Variants in HEATR5B observed in about 807,000 individuals in gnomAD.
HEATR5B encodes HEAT repeat containing 5B.
Under a neutral mutation model 224.1 loss-of-function variants are expected in HEATR5B, and 156 were observed. That is an observed-to-expected ratio of 0.70 (90% CI 0.61 to 0.80). The LOEUF is 0.80. Among genes scored for constraint, HEATR5B ranks in the 30% least tolerant of loss-of-function variants. The probability of loss-of-function intolerance (pLI) is 0.00; values close to 1 mark genes in which losing one functional copy is unlikely to be tolerated. For missense variants in HEATR5B, 2,323 were observed against 2,535.5 expected (o/e 0.92, Z 1.80); for synonymous variants, 1,027 against 893.0 (o/e 1.15, Z -2.68).
chr2:37,071,109 T>C (rs79331962), intron 6 of HEATR5B, among the ~76,000 whole-genome samples: 5,235 of 151,804 alleles, frequency 0.034, 124 homozygotes, highest in Non-Finnish European at 0.052. Flanking sequence ...GCCTGGCACA[T>C]AGTTAGCACT....
At chr2:37,014,520 C>A (rs1667992791) in intron 26 of HEATR5B, among the ~76,000 whole-genome samples, 2 of 151,916 alleles carry the variant, frequency 1.3e-5, no homozygotes, top group African/African-American at 4.8e-5. Context: ...ACGTAGAAAA[C>A]AAAATAGTAT....
In HEATR5B at chr2:37,056,335, TATA is replaced by T. The variant is rs1178600286; in HGVS notation, c.2399+102_2399+104del. 5 of 738,358 alleles carry T rather than the reference TATA, an allele frequency of 6.8e-6. No individual in the cohort carries two copies. The East Asian group carries it at 1.2e-4, about 17-fold the overall frequency. The allele number at this position is 738,358 out of a possible 1,614,324, so 45.7% of individuals were successfully genotyped here. A position where few individuals can be genotyped will look rare whatever the true frequency, so the allele number is the denominator to read the frequency against. ...TCTGTAAGAGTACTGTTTTAAGTAT[TATA>T]ATAACTCACTTTATTGCAGAGTTAA... On this transcript the variant is annotated intron_variant, in intron 16 of 35. Transcript: ENST00000233099.
intron 16 of HEATR5B, chr2:37,055,041 T>C (rs1670816581): frequency 5.4e-6 from 2 of 367,664 alleles, no homozygotes; most frequent in Non-Finnish European, 5.6e-6. Flanking sequence ...TACATGCACA[T>C]TTTGATGTAC....
intron 26 of HEATR5B, 51 bp downstream of exon 26, chr2:37,019,757 TA>T (rs1430420506): frequency 8.1e-7 from 1 of 1,232,190 alleles, no homozygotes; most frequent in Non-Finnish European, 1.2e-6. Context: ...AATTCTAAGA[TA>T]TCTATGAATG....
intron 18 of HEATR5B, among the ~76,000 whole-genome samples, chr2:37,042,508 A>G (rs1386043272): frequency 6.6e-6 from 1 of 152,266 alleles, no homozygotes; most frequent in African/African-American, 2.4e-5. Context: ...GGGTGGAAGA[A>G]TGGTGAAATC....
intron 33 of HEATR5B, among the ~76,000 whole-genome samples, chr2:36,997,071 T>C (rs1165958830): frequency 6.6e-6 from 1 of 152,226 alleles, no homozygotes; most frequent in African/African-American, 2.4e-5. Context: ...CTAAGAACTC[T>C]TTGTATATTA....
At chr2:37,082,052 CTTTTTTTTTTTTT>C (rs61036576) in intron 2 of HEATR5B, among the ~76,000 whole-genome samples, 386 of 23,958 alleles carry the variant, frequency 0.016, 9 homozygotes, top group African/African-American at 0.043. Flanking sequence ...GAAGTATCTA[CTTTTTTTTTTTTT>C]TTTTTTTTTT....
At chr2:36,995,087 G>GTTTTTTTTTTTTTTTTTTTTT (rs775120824) in intron 33 of HEATR5B, among the ~76,000 whole-genome samples, 2 of 104,130 alleles carry the variant, frequency 1.9e-5, no homozygotes, top group Non-Finnish European at 3.7e-5. Flanking sequence ...GTTATTCCTT[G>GTTTTTTTTTTTTTTTTTTTTT]TTTTTTTTTT....
intron 8 of HEATR5B, among the ~76,000 whole-genome samples, chr2:37,067,644 G>T (rs1258578281): frequency 1.3e-5 from 2 of 152,022 alleles, no homozygotes; most frequent in Non-Finnish European, 2.9e-5. Flanking sequence ...GGTGGCACAC[G>T]CCTGTAATAA....
At chr2:37,017,265 A>C (rs1668176061) in intron 26 of HEATR5B, among the ~76,000 whole-genome samples, 1 of 152,112 alleles carries the variant, frequency 6.6e-6, no homozygotes, top group African/African-American at 2.4e-5. Flanking sequence ...CACACCTGTA[A>C]TCCCAGATAC....
intron 24 of HEATR5B, among the ~76,000 whole-genome samples, chr2:37,021,782 G>A (rs1203713060): frequency 6.6e-6 from 1 of 151,712 alleles, no homozygotes; most frequent in Non-Finnish European, 1.5e-5. Context: ...AGCTACTCAG[G>A]GGGCTGAGGT....
At chr2:36,989,587 G>A (rs1266811050) in intron 34 of HEATR5B, among the ~76,000 whole-genome samples, 1 of 152,122 alleles carries the variant, frequency 6.6e-6, no homozygotes, top group East Asian at 1.9e-4. Flanking sequence ...CCCTGGAAAT[G>A]ACTGTTAACA....
chr2:36,997,526 TGTGA>T (rs1666800162), intron 33 of HEATR5B, among the ~76,000 whole-genome samples: 1 of 151,822 alleles, frequency 6.6e-6, no homozygotes. Flanking sequence ...AATTGTCCTC[TGTGA>T]CATCTTTCCT....
In HEATR5B at chr2:37,037,851, T is replaced by C. The variant is rs1387501909; in HGVS notation, c.3216+4A>G. 3 of 1,516,786 alleles carry C rather than the reference T, an allele frequency of 2.0e-6. No individual in the cohort carries two copies. Among genetic ancestry groups the C allele is most frequent in the Non-Finnish European group, 2.7e-6 (3 of 1,128,766 alleles). The allele number at this position is 1,516,786 out of a possible 1,614,324, so 94.0% of individuals were successfully genotyped here. On this transcript the variant is annotated splice_donor_region_variant and intron_variant, in intron 21 of 35. Transcript: ENST00000233099. ...ATCAATGAATGAAATAGCTCTATAC[T>C]TACACAAAGGCTAGGAACAAGGCTA...
intron 20 of HEATR5B, among the ~76,000 whole-genome samples, chr2:37,038,769 A>ATC (rs547379495): frequency 1.3e-5 from 2 of 150,950 alleles, no homozygotes; most frequent in African/African-American, 4.9e-5. Flanking sequence ...ACATAGTGGA[A>ATC]CCCCCGTCTC....
intron 35 of HEATR5B, among the ~76,000 whole-genome samples, chr2:36,983,477 T>C (rs62133072): frequency 0.026 from 3,851 of 150,216 alleles, 66 homozygotes; most frequent in Non-Finnish European, 0.037. Context: ...AGGCGGAGGT[T>C]GTGGTGAGCC....
intron 22 of HEATR5B, among the ~76,000 whole-genome samples, chr2:37,031,436 T>TTC (rs1204068530): frequency 1.5e-5 from 2 of 131,726 alleles, no homozygotes; most frequent in Admixed American, 7.4e-5. Flanking sequence ...TTTTCTTTCT[T>TTC]TTTTTTTTTT....
At chr2:37,003,729 C>A in intron 30 of HEATR5B, 43 bp from the exon 31 acceptor site, 1 of 1,370,926 alleles carries the variant, frequency 7.3e-7, no homozygotes, top group East Asian at 2.6e-5. Context: ...ATTTCAATCT[C>A]AAAGAATAAC....
At chr2:37,052,096 C>T (rs779947648) in intron 17 of HEATR5B, among the ~76,000 whole-genome samples, 14 of 152,168 alleles carry the variant, frequency 9.2e-5, no homozygotes, top group Non-Finnish European at 1.6e-4. Flanking sequence ...CTGATGTTTA[C>T]AAAATATGAC....
Sources: allele counts gnomAD v4.1 joint callset (sites outside exome capture counted in the v4.1 genomes callset), GRCh38; gene constraint gnomAD v4.1.1; transcripts MANE v1.5; gene names NCBI Gene and HGNC (gene_info 2026-07-23, HGNC 2026-07-21).